Variants in BCLAF3 observed in about 807,000 individuals in gnomAD.
The protein encoded by BCLAF3 is BCLAF1 and THRAP3 family member 3.
Under a neutral mutation model 51.2 loss-of-function variants are expected in BCLAF3, and 24 were observed. The ratio of observed to expected loss-of-function variants is 0.47; its 90% CI spans 0.34 to 0.66. The LOEUF (loss-of-function observed/expected upper bound fraction) is 0.66, where lower values mean the gene tolerates loss of function less well. Among genes scored for constraint, BCLAF3 ranks in the 30% least tolerant of loss-of-function variants. The probability of loss-of-function intolerance (pLI) is 0.01; values close to 1 mark genes in which losing one functional copy is unlikely to be tolerated. For missense variants in BCLAF3, 465 were observed against 525.1 expected, an observed-to-expected ratio of 0.89 and a Z score of 1.12; for synonymous variants, 152 against 176.6, an observed-to-expected ratio of 0.86 and a Z score of 1.10.
chrX:19,987,136 T>C (rs2072826931), intron 1 of BCLAF3, among the ~76,000 whole-genome samples: 1 of 110,659 alleles, frequency 9.0e-6, no homozygotes, highest in Admixed American at 9.7e-5. Context: ...GGAGGGACTA[T>C]TTGCCTGGCA....
intron 1 of BCLAF3, among the ~76,000 whole-genome samples, chrX:19,979,634 A>C (rs1455565285): frequency 9.0e-6 from 1 of 111,103 alleles, no homozygotes; most frequent in Admixed American, 9.7e-5. Context: ...AAATATATTC[A>C]AAATCATTTG....
chrX:19,974,623 T>G (rs1487025453), intron 1 of BCLAF3, among the ~76,000 whole-genome samples: 1 of 111,916 alleles, frequency 8.9e-6, no homozygotes, highest in Non-Finnish European at 1.9e-5. Flanking sequence ...CATTCACCCC[T>G]GTAATCCCAG....
intron 1 of BCLAF3, among the ~76,000 whole-genome samples, chrX:19,975,327 CTTTTTT>C (rs1411990568): frequency 9.7e-6 from 1 of 102,903 alleles, no homozygotes; most frequent in Non-Finnish European, 2.0e-5. Context: ...GTTCTTTTTT[CTTTTTT>C]TTTTCCCTTC....
At position 19,965,725 on chromosome X, in the gene BCLAF3, G is replaced by C. The variant is rs2072028264; in HGVS notation, c.612-19C>G. ...AGGATACCTGTGTTGACATAAAGCA[G>C]TTTACACTTGCAATAGAGAGAAGAA... On this transcript the variant is annotated intron_variant, in intron 3 of 11. Coordinates refer to ENST00000379682, the MANE Select transcript of BCLAF3 (RefSeq NM_001367774.2). 9.0e-7 allele frequency: 1 copy of C among 1,111,580 alleles called. No individual in the cohort carries two copies. The highest frequency in any genetic ancestry group is 1.2e-6 in the Non-Finnish European group (1 of 845,590). 91.6% of individuals were successfully genotyped at this position (1,111,580 alleles called of 1,213,427 possible).
intron 1 of BCLAF3, among the ~76,000 whole-genome samples, chrX:19,974,987 G>A (rs2148005834): frequency 8.9e-6 from 1 of 112,286 alleles, no homozygotes; most frequent in South Asian, 3.7e-4. Flanking sequence ...GCTTTGGGGT[G>A]ATGAAAATAT....
intron 4 of BCLAF3, among the ~76,000 whole-genome samples, chrX:19,963,596 A>C (rs1026060809): frequency 4.1e-4 from 46 of 111,775 alleles, no homozygotes; most frequent in African/African-American, 1.5e-3. Flanking sequence ...ACTTTCTGTA[A>C]TATAATCATA....
At position 19,919,198 on chromosome X, in the gene BCLAF3, A is replaced by G. The variant is rs370201569; in HGVS notation, c.2107-1864T>C. On this transcript the variant is annotated intron_variant, in intron 11 of 11. Coordinates refer to ENST00000379682, the MANE Select transcript of BCLAF3 (RefSeq NM_001367774.2). ...TATGTCTTGCTCTTCTCCAGGCCTCAGCTTATAATCTACCTCCTGTAAGAA... is the reference window on the plus strand; with the variant it reads ...TATGTCTTGCTCTTCTCCAGGCCTCGGCTTATAATCTACCTCCTGTAAGAA... Among the ~76,000 whole-genome samples, 16 of 111,861 alleles carry G rather than the reference A, an allele frequency of 1.4e-4. No homozygotes were observed. The South Asian group carries it at 2.6e-3, about 18-fold the overall frequency.
At chrX:19,982,995 C>A (rs181621841) in intron 1 of BCLAF3, among the ~76,000 whole-genome samples, 90 of 95,859 alleles carry the variant, frequency 9.4e-4, no homozygotes, top group African/African-American at 3.2e-3. Context: ...GGCTCTGTTG[C>A]CCAGGCTGGA....
intron 8 of BCLAF3, among the ~76,000 whole-genome samples, chrX:19,948,595 G>A (rs1273799791): frequency 3.7e-5 from 4 of 108,132 alleles, no homozygotes; most frequent in South Asian, 4.1e-4. Flanking sequence ...GTGAAACCCC[G>A]TCTCTACAAA....
chrX:19,928,837 C>T (rs2070446861), intron 11 of BCLAF3: 1 of 110,822 alleles, frequency 9.0e-6, no homozygotes, highest in Non-Finnish European at 1.9e-5. Context: ...AAGACAAATA[C>T]CACATAATCT....
intron 1 of BCLAF3, among the ~76,000 whole-genome samples, chrX:19,972,705 C>T (rs928590026): frequency 2.7e-5 from 3 of 111,801 alleles, no homozygotes; most frequent in Non-Finnish European, 5.6e-5. Context: ...TTTGAGACAT[C>T]TCATACAAAT....
At position 19,945,471 on chromosome X, in the gene BCLAF3, T is replaced by G. The variant is rs1236361584; in HGVS notation, c.1745+5282A>C. Among the ~76,000 whole-genome samples the G allele has an allele frequency of 1.9e-3, 198 of 104,016 alleles. 1 individual carries two copies. The highest frequency in any genetic ancestry group is 6.5e-3 in the Admixed American group (65 of 9,967). The allele number at this position is 104,016 out of a possible 115,157, so 90.3% of individuals were successfully genotyped here. A position where few individuals can be genotyped will look rare whatever the true frequency, so the allele number is the denominator to read the frequency against. Reference sequence around the variant, plus strand: ...GTTTTCGGTGTGGATGTCCTTTCTGTTTGTTAGTTTTCCTTCTAACAGACA... The same window carrying G: ...GTTTTCGGTGTGGATGTCCTTTCTGGTTGTTAGTTTTCCTTCTAACAGACA... On this transcript the variant is annotated intron_variant, in intron 8 of 11. Transcript: ENST00000379682.
intron 4 of BCLAF3, among the ~76,000 whole-genome samples, chrX:19,964,001 G>A (rs1227687293): frequency 8.9e-6 from 1 of 111,919 alleles, no homozygotes; most frequent in Non-Finnish European, 1.9e-5. Flanking sequence ...TCCAGCCTGG[G>A]CAGCAGAGCA....
chrX:19,964,883 G>C (rs1051905265), intron 4 of BCLAF3, among the ~76,000 whole-genome samples, 161 bp downstream of exon 4: 2 of 111,221 alleles, frequency 1.8e-5, no homozygotes, highest in African/African-American at 3.3e-5. Context: ...CTAATCACAG[G>C]AAACAGCCTC....
At chrX:19,919,573 T>C (rs1326766107) in intron 11 of BCLAF3, among the ~76,000 whole-genome samples, 1 of 108,996 alleles carries the variant, frequency 9.2e-6, no homozygotes, top group East Asian at 2.9e-4. Flanking sequence ...TATGGTTGCG[T>C]TGGCCAGGTG....
chrX:19,974,063 G>T (rs747760953), intron 1 of BCLAF3, among the ~76,000 whole-genome samples: 9 of 111,430 alleles, frequency 8.1e-5, no homozygotes, highest in Non-Finnish European at 1.7e-4. Context: ...TACACTCAGG[G>T]GATTGGTTCC....
intron 2 of BCLAF3, among the ~76,000 whole-genome samples, chrX:19,967,721 C>G (rs2072108563): frequency 2.7e-5 from 3 of 112,055 alleles, no homozygotes; most frequent in African/African-American, 9.7e-5. Context: ...CTTGCAGCTT[C>G]TGTTATGGCT....
chrX:19,927,180 T>C (rs1004895712), intron 11 of BCLAF3, among the ~76,000 whole-genome samples: 4 of 110,744 alleles, frequency 3.6e-5, no homozygotes, highest in African/African-American at 1.3e-4. Context: ...TGAGCCGAGA[T>C]GGTGCCATTG....
At chrX:19,945,306 G>A (rs1413644888) in intron 8 of BCLAF3, among the ~76,000 whole-genome samples, 3 of 107,860 alleles carry the variant, frequency 2.8e-5, no homozygotes, top group East Asian at 2.9e-4. Flanking sequence ...GCTTTGTTCC[G>A]TTGCTGGTGA....
Sources: gnomAD v4.1 joint callset for allele counts (sites outside exome capture counted in the v4.1 genomes callset) on GRCh38, gnomAD v4.1.1 for gene constraint, MANE v1.5 for transcripts, NCBI Gene and HGNC (gene_info 2026-07-23, HGNC 2026-07-21) for gene names.